The following ADGRL3 variants were observed in gnomAD, a reference collection of about 807,000 sequenced individuals.
The protein encoded by ADGRL3 is adhesion G protein-coupled receptor L3.
A neutral mutation model predicts 153.5 loss-of-function variants in ADGRL3; 62 were observed. That is an observed-to-expected ratio of 0.40 (90% CI 0.33 to 0.50). ADGRL3 has a LOEUF of 0.50. Among genes scored for constraint, ADGRL3 ranks in the 20% least tolerant of loss-of-function variants. The pLI, the probability that ADGRL3 is intolerant of heterozygous loss-of-function variation, is 0.47. For synonymous variants in ADGRL3, 710 were observed against 672.5 expected, an observed-to-expected ratio of 1.06 and a Z score of -0.86; for missense variants, 1,641 against 1,859.4, an observed-to-expected ratio of 0.88 and a Z score of 2.16.
chr4:62,045,698 A>G (rs1056767745), intron 25 of ADGRL3, among the ~76,000 whole-genome samples: 1 of 151,948 alleles, frequency 6.6e-6, no homozygotes, highest in Non-Finnish European at 1.5e-5. Context: ...ATTGAGTTTC[A>G]TGTATTATTT....
intron 22 of ADGRL3, among the ~76,000 whole-genome samples, chr4:62,030,834 C>T (rs1310444329): frequency 6.6e-6 from 1 of 151,342 alleles, no homozygotes; most frequent in African/African-American, 2.4e-5. Context: ...ACAATGTTTC[C>T]GATAGAGTGG....
chr4:61,686,375 T>A (rs1476542657), intron 6 of ADGRL3, among the ~76,000 whole-genome samples: 1 of 152,120 alleles, frequency 6.6e-6, no homozygotes, highest in African/African-American at 2.4e-5. Context: ...AATGTAAAAT[T>A]GATTAAAATG....
intron 9 of ADGRL3, among the ~76,000 whole-genome samples, chr4:61,848,572 G>A (rs2098164819): frequency 6.6e-6 from 1 of 151,924 alleles, no homozygotes; most frequent in Non-Finnish European, 1.5e-5. Context: ...TTCCAAATAA[G>A]GTCACATTCA....
chr4:61,668,748 G>A (rs2094890449), intron 5 of ADGRL3, among the ~76,000 whole-genome samples: 1 of 152,144 alleles, frequency 6.6e-6, no homozygotes. Flanking sequence ...GCCTGGCACA[G>A]TGGCTCACGC....
chr4:61,799,018 T>TAC (rs1417698002), intron 8 of ADGRL3, among the ~76,000 whole-genome samples: 4 of 113,562 alleles, frequency 3.5e-5, no homozygotes, highest in Non-Finnish European at 8.0e-5. Context: ...TATATATATA[T>TAC]ATATATATAT....
intron 11 of ADGRL3, among the ~76,000 whole-genome samples, chr4:61,896,979 A>G (rs901050410): frequency 2.6e-5 from 4 of 152,216 alleles, no homozygotes; most frequent in African/African-American, 7.2e-5. Context: ...ATTCTTCTAG[A>G]AAAGGCTGAA....
chr4:61,588,695 T>C (rs2098956894), intron 5 of ADGRL3, among the ~76,000 whole-genome samples: 2 of 152,054 alleles, frequency 1.3e-5, no homozygotes, highest in African/African-American at 4.8e-5. Flanking sequence ...TGTGTGTCTC[T>C]ATTATCGTTA....
At chr4:61,753,915 G>T (rs1480938747) in intron 8 of ADGRL3, among the ~76,000 whole-genome samples, 1 of 152,096 alleles carries the variant, frequency 6.6e-6, no homozygotes, top group African/African-American at 2.4e-5. Flanking sequence ...TGGAGGCTAG[G>T]ATACCAAGCC....
chr4:61,639,340 T>C (rs2093565267), intron 5 of ADGRL3, among the ~76,000 whole-genome samples: 1 of 152,144 alleles, frequency 6.6e-6, no homozygotes, highest in South Asian at 2.1e-4. Context: ...ATGTTTAATG[T>C]AGTATATGAA....
chr4:61,596,316 A>G (rs1475436487), intron 5 of ADGRL3, among the ~76,000 whole-genome samples: 1 of 152,180 alleles, frequency 6.6e-6, no homozygotes, highest in African/African-American at 2.4e-5. Flanking sequence ...ATCAGACTTG[A>G]ATATAACTGA....
chr4:61,849,373 A>G (rs12505841), intron 9 of ADGRL3, among the ~76,000 whole-genome samples: 77,392 of 151,972 alleles, frequency 0.51, 23,035 homozygotes, highest in Non-Finnish European at 0.69. Context: ...AAATCTAAAT[A>G]CTGTCTGTTT....
rs1284439838 is a variant in ADGRL3 at position 61,888,064 on chromosome 4, G to A, written c.1481-4592G>A. 2.6e-5 allele frequency among the ~76,000 whole-genome samples: 4 copies of A among 152,104 alleles called. No individual in the cohort carries two copies. The East Asian group carries it at 7.7e-4, about 29-fold the overall frequency. ...TATGAACAGTAAATTTCAAAGGACA[G>A]GAGAATTAAAATTTTCTTTGGGAAG... On this transcript the variant is annotated intron_variant, in intron 9 of 26. Transcript: ENST00000683033.
chr4:61,343,664 A>T (rs113342126), intron 1 of ADGRL3, among the ~76,000 whole-genome samples: 2 of 152,230 alleles, frequency 1.3e-5, no homozygotes, highest in African/African-American at 4.8e-5. Flanking sequence ...AAAGTTCCAC[A>T]GTCAAATGAG....
At chr4:61,968,315 C>G (rs1445886413) in intron 17 of ADGRL3, among the ~76,000 whole-genome samples, 2 of 152,016 alleles carry the variant, frequency 1.3e-5, no homozygotes, top group African/African-American at 4.8e-5. Context: ...CTAAACTACA[C>G]AGAACTTCAA....
At chr4:61,809,737 G>GTGTTT (rs1483150773) in intron 8 of ADGRL3, among the ~76,000 whole-genome samples, 7 of 151,402 alleles carry the variant, frequency 4.6e-5, no homozygotes, top group Admixed American at 2.6e-4. Context: ...ATTTATTATG[G>GTGTTT]TGTTTTATGT....
chr4:61,545,621 C>A (rs1471215258), intron 4 of ADGRL3, among the ~76,000 whole-genome samples: 9 of 152,196 alleles, frequency 5.9e-5, no homozygotes, highest in Non-Finnish European at 8.8e-5. Context: ...TCAAGTGATT[C>A]TCCGGCCTCA....
rs1375888248 is a variant in ADGRL3, at chr4:62,032,397, G to A, written c.3591+787G>A. Reference sequence around the variant, plus strand: ...CTTTATTTAAAATGTGATCTCGATAGGTCCAGTCACAACGACCCCTCAGCC... The same window carrying A: ...CTTTATTTAAAATGTGATCTCGATAAGTCCAGTCACAACGACCCCTCAGCC... On this transcript the variant is annotated intron_variant, in intron 23 of 26. Transcript: ENST00000683033. 5.3e-5 allele frequency among the ~76,000 whole-genome samples: 8 copies of A among 151,282 alleles called. No individual in the cohort carries two copies. The Admixed American group carries it at 5.3e-4, about 10-fold the overall frequency.
chr4:61,253,644 T>C (rs1056304101), intron 1 of ADGRL3, among the ~76,000 whole-genome samples: 1 of 151,794 alleles, frequency 6.6e-6, no homozygotes, highest in Non-Finnish European at 1.5e-5. Context: ...AGAGCTGACA[T>C]GGACCTATTT....
chr4:61,805,064 T>C (rs1234625600), intron 8 of ADGRL3, among the ~76,000 whole-genome samples: 1 of 151,938 alleles, frequency 6.6e-6, no homozygotes, highest in Non-Finnish European at 1.5e-5. Flanking sequence ...CAAGCGATTC[T>C]CCTGCCTCAG....
Sources: allele counts gnomAD v4.1 joint callset (sites outside exome capture counted in the v4.1 genomes callset), GRCh38; gene constraint gnomAD v4.1.1; transcripts MANE v1.5; gene names NCBI Gene and HGNC (gene_info 2026-07-23, HGNC 2026-07-21).